The following PDE4D variants were observed in gnomAD, a reference collection of about 807,000 sequenced individuals.
The protein encoded by PDE4D is phosphodiesterase 4D, also known as 3',5'-cyclic-AMP phosphodiesterase 4D.
Under a neutral mutation model 87.4 loss-of-function variants are expected in PDE4D, and 24 were observed. The observed-to-expected ratio is 0.27, with a 90% CI of 0.20 to 0.39. PDE4D has a LOEUF of 0.39. Ranked by LOEUF, PDE4D falls within the 10% of genes least tolerant of loss-of-function variation. The pLI, the probability that PDE4D is intolerant of heterozygous loss-of-function variation, is 1.00. For synonymous variants in PDE4D, 384 were observed against 383.2 expected (o/e 1.00, Z -0.02); for missense variants, 714 against 1,041.0 (o/e 0.69, Z 4.32).
intron 1 of PDE4D, among the ~76,000 whole-genome samples, chr5:59,361,553 C>T (rs1782227819): frequency 1.3e-5 from 2 of 152,126 alleles, no homozygotes; most frequent in Admixed American, 1.3e-4. Context: ...TATAGGATTA[C>T]ATCTTGAAAT....
intron 1 of PDE4D, among the ~76,000 whole-genome samples, chr5:60,422,999 C>A (rs1237102321): frequency 6.6e-6 from 1 of 152,126 alleles, no homozygotes; most frequent in Non-Finnish European, 1.5e-5. Flanking sequence ...TCTAACTAAC[C>A]TAAATATATA....
chr5:59,433,762 T>G (rs1332978772), intron 1 of PDE4D, among the ~76,000 whole-genome samples: 1 of 152,026 alleles, frequency 6.6e-6, no homozygotes, highest in Non-Finnish European at 1.5e-5. Context: ...TCTATGCTCT[T>G]GAGAACATTA....
At chr5:60,399,886 T>C (rs904550365) in intron 1 of PDE4D, among the ~76,000 whole-genome samples, 17 of 152,240 alleles carry the variant, frequency 1.1e-4, no homozygotes, top group Admixed American at 9.2e-4. Flanking sequence ...GATAACCTGG[T>C]ATCTCTCAAG....
At chr5:59,402,681 T>C (rs1790879955) in intron 1 of PDE4D, among the ~76,000 whole-genome samples, 1 of 152,304 alleles carries the variant, frequency 6.6e-6, no homozygotes. Context: ...TACAAAATAA[T>C]TATTAAACTA....
chr5:59,347,626 A>G (rs990095117), intron 1 of PDE4D, among the ~76,000 whole-genome samples: 1 of 152,136 alleles, frequency 6.6e-6, no homozygotes, highest in East Asian at 1.9e-4. Flanking sequence ...AGTATTTTCT[A>G]CGTATAAAAA....
At chr5:59,997,836 T>G (rs1201708073) in intron 2 of PDE4D, among the ~76,000 whole-genome samples, 1 of 152,224 alleles carries the variant, frequency 6.6e-6, no homozygotes, top group African/African-American at 2.4e-5. Context: ...AGCTACTTGA[T>G]TCTTATAAAA....
intron 5 of PDE4D, among the ~76,000 whole-genome samples, chr5:59,068,330 TA>T (rs1032461501): frequency 2.6e-5 from 4 of 152,202 alleles, no homozygotes; most frequent in Admixed American, 2.6e-4. Context: ...AACTTTTTTT[TA>T]AGTATTTTTT....
At chr5:59,857,981 G>A (rs776837228) in intron 1 of PDE4D, among the ~76,000 whole-genome samples, 4 of 149,618 alleles carry the variant, frequency 2.7e-5, no homozygotes, top group Non-Finnish European at 4.5e-5. Context: ...GAAGGAAGGA[G>A]AGATGAAGGA....
intron 1 of PDE4D, among the ~76,000 whole-genome samples, chr5:59,769,865 G>T (rs1004213004): frequency 2.0e-5 from 3 of 151,802 alleles, no homozygotes; most frequent in Non-Finnish European, 4.4e-5. Context: ...AGACTGGAAT[G>T]ATTCTTTTTG....
intron 2 of PDE4D, among the ~76,000 whole-genome samples, chr5:60,064,623 C>T (rs1771849208): frequency 6.6e-6 from 1 of 152,134 alleles, no homozygotes. Flanking sequence ...CATAAAGCCA[C>T]ATGAACAGCT....
chr5:59,778,763 G>C (rs926656201), intron 1 of PDE4D, among the ~76,000 whole-genome samples: 2 of 152,270 alleles, frequency 1.3e-5, no homozygotes, highest in Admixed American at 6.5e-5. Flanking sequence ...TGATTTTGCC[G>C]TTTGTTTTAC....
chr5:60,330,173 C>G (rs1453177483), intron 1 of PDE4D, among the ~76,000 whole-genome samples: 1 of 151,480 alleles, frequency 6.6e-6, no homozygotes, highest in Admixed American at 6.5e-5. Flanking sequence ...TACCTTAATG[C>G]TAGAACTTTT....
At chr5:59,694,732 G>A (rs17441825) in intron 1 of PDE4D, among the ~76,000 whole-genome samples, 26,650 of 151,954 alleles carry the variant, frequency 0.18, 3,077 homozygotes, top group South Asian at 0.26. Flanking sequence ...AATGTCTTGA[G>A]AAGGACCATG....
intron 1 of PDE4D, among the ~76,000 whole-genome samples, chr5:59,333,516 C>T (rs1777109287): frequency 6.6e-6 from 1 of 152,112 alleles, no homozygotes. Context: ...TGCAGAATAC[C>T]TCATAACTGT....
At chr5:60,497,333 G>A (rs1053730808) in intron 1 of PDE4D, among the ~76,000 whole-genome samples, 5 of 152,106 alleles carry the variant, frequency 3.3e-5, no homozygotes, top group African/African-American at 1.2e-4. Flanking sequence ...GCTAATTGGG[G>A]GGTTAGGTGT....
intron 2 of PDE4D, among the ~76,000 whole-genome samples, chr5:60,003,355 G>A (rs1403272235): frequency 1.3e-5 from 2 of 151,988 alleles, no homozygotes; most frequent in African/African-American, 4.8e-5. Flanking sequence ...CACAGAAATA[G>A]AGAAAACCAT....
chr5:60,428,676 T>C (rs924969561), intron 1 of PDE4D, among the ~76,000 whole-genome samples: 8 of 152,214 alleles, frequency 5.3e-5, no homozygotes, highest in African/African-American at 1.7e-4. Context: ...CACGATGATA[T>C]AAAGAATTTT....
chr5:59,491,052 C>T (rs1806095417), intron 1 of PDE4D, among the ~76,000 whole-genome samples: 1 of 152,194 alleles, frequency 6.6e-6, no homozygotes, highest in Non-Finnish European at 1.5e-5. Flanking sequence ...TATGGCCTAA[C>T]ATATATTTCA....
chr5:60,240,308 A>G (rs76768366), intron 1 of PDE4D, among the ~76,000 whole-genome samples: 4,412 of 152,060 alleles, frequency 0.029, 225 homozygotes, highest in African/African-American at 0.1. Context: ...ATCTAGGCAA[A>G]AATCACACCT....
Sources: allele counts gnomAD v4.1 joint callset (sites outside exome capture counted in the v4.1 genomes callset), GRCh38; gene constraint gnomAD v4.1.1; transcripts MANE v1.5; gene names NCBI Gene and HGNC (gene_info 2026-07-23, HGNC 2026-07-21).